Variants in KRT77 observed in about 807,000 individuals in gnomAD.
The protein encoded by KRT77 is keratin, type II cytoskeletal 1b.
Under a neutral mutation model 51.5 loss-of-function variants are expected in KRT77, and 44 were observed. The observed-to-expected ratio is 0.85, with a 90% CI of 0.67 to 1.10. KRT77 has a LOEUF of 1.10. Among genes scored for constraint, KRT77 ranks in the 50% least tolerant of loss-of-function variants. KRT77 has a pLI of 0.00. For synonymous variants in KRT77, 293 were observed against 302.0 expected (o/e 0.97, Z 0.31); for missense variants, 763 against 743.9 (o/e 1.03, Z -0.30).
chr12:52,701,498 A>T (rs1941887035), intron 1 of KRT77, among the ~76,000 whole-genome samples: 1 of 152,158 alleles, frequency 6.6e-6, no homozygotes, highest in Non-Finnish European at 1.5e-5. Flanking sequence ...GCCACAGGTC[A>T]AGCTCTGGCC....
rs776454439 is a variant in KRT77, at chr12:52,703,003, G to A, written c.432C>T (p.Ser144=). ...GGIQEVTINQ[S]LLEPLHLEVD... ...CCTCCAGGTGAAGTGGCTCTAGGAG[G>A]CTCTGGTTAATGGTCACCTCTTGGA... Residue 144 remains serine (S), a synonymous_variant, in exon 1 of 9, where the codon AGC becomes AGT. Coordinates refer to ENST00000341809, the MANE Select transcript of KRT77 (RefSeq NM_175078.3). The A allele has an allele frequency of 3.4e-5, 55 of 1,613,936 alleles. No homozygotes were observed. Among genetic ancestry groups the A allele is most frequent in the Admixed American group, 1.0e-4 (6 of 59,990 alleles).
Position 52,691,099 on chromosome 12 carries a change from T to TGGAGGG in KRT77, c.*60_*65dup. 1 of 1,606,456 alleles carries TGGAGGG rather than the reference T, an allele frequency of 6.2e-7. No homozygotes were observed. Among genetic ancestry groups the TGGAGGG allele is most frequent in the South Asian group, 1.1e-5 (1 of 90,448 alleles). On this transcript the variant is annotated 3_prime_UTR_variant, in exon 9 of 9. Transcript: ENST00000341809. ...GAATGAGAGGGGATCAGGAAGGGCG[T>TGGAGGG]GGAGGGGAGGAGTTTGAGGAGAGGG...
intron 1 of KRT77, chr12:52,698,323 A>G (rs1941831923): frequency 4.1e-6 from 2 of 484,560 alleles, no homozygotes; most frequent in Non-Finnish European, 7.9e-6. Flanking sequence ...AGAAGGATCA[A>G]TTTGGCTTAG....
chr12:52,692,116 G>A, intron 7 of KRT77, 144 bp from the exon 8 acceptor site: 1 of 902,262 alleles, frequency 1.1e-6, no homozygotes, highest in South Asian at 1.5e-5. Flanking sequence ...CAGTGGGGCA[G>A]AGAGAAATTT....
At chr12:52,695,943 G>C (rs867526014) in intron 3 of KRT77, 76 bp from the exon 4 acceptor site, 3 of 907,750 alleles carry the variant, frequency 3.3e-6, no homozygotes, top group Non-Finnish European at 5.6e-6. Flanking sequence ...TGGCTCAGGC[G>C]AGTGGCAGAG....
At chr12:52,692,386 A>G (rs1170048599) in intron 7 of KRT77, 35 bp downstream of exon 7, 1 of 1,609,332 alleles carries the variant, frequency 6.2e-7, no homozygotes, top group Non-Finnish European at 8.5e-7. Context: ...GTGCATCTCA[A>G]GCCTTAGCCC....
At position 52,696,364 on chromosome 12, in the gene KRT77, C is replaced by T. The variant is rs1941794848; in HGVS notation, c.819+6G>A. On this transcript the variant is annotated splice_donor_region_variant and intron_variant, in intron 3 of 8. Coordinates refer to ENST00000341809, the MANE Select transcript of KRT77 (RefSeq NM_175078.3). ...CAGCCACCCTCAGGACTCCCCTTTCCCTCACCTTCTTCAGGACGACAAAGT... is the reference window on the plus strand; with the variant it reads ...CAGCCACCCTCAGGACTCCCCTTTCTCTCACCTTCTTCAGGACGACAAAGT... 6.2e-7 allele frequency: 1 copy of T among 1,614,086 alleles called. No homozygotes were observed. The highest frequency in any genetic ancestry group is 8.5e-7 in the Non-Finnish European group (1 of 1,179,940).
rs1314639767 is a variant in KRT77, at chr12:52,703,389, T to G, written c.46A>C (p.Arg16=). The G allele has an allele frequency of 6.2e-7, 1 of 1,610,610 alleles. No individual in the cohort carries two copies. The highest frequency in any genetic ancestry group is 8.5e-7 in the Non-Finnish European group (1 of 1,177,770). The change falls in exon 1 of 9, where the codon AGG becomes CGG. Residue 16 remains arginine (R), a synonymous_variant. Transcript: ENST00000341809. ...GAAGAGCTGGTACTATAAACCCGCC[T>G]GCTCATTGAACTAAACGCGGACTGA... ...SSQSAFSSMS[R]RVYSTSSSAG... is the part of the protein sequence containing the mutation.
In KRT77 at chr12:52,692,647, C is replaced by T. The variant is rs1418830266; in HGVS notation, c.1207-6G>A. On this transcript the variant is annotated splice_region_variant and splice_polypyrimidine_tract_variant and intron_variant, in intron 6 of 8. Transcript: ENST00000341809. ...AGTGACTGCATCTGTTCAATCTGCT[C>T]CAGAGACAGTTGGAGACCATTTAAT... 1.3e-6 allele frequency: 2 copies of T among 1,567,828 alleles called. No individual in the cohort carries two copies. Among genetic ancestry groups the T allele is most frequent in the Non-Finnish European group, 1.7e-6 (2 of 1,144,262 alleles).
In KRT77 at chr12:52,691,107, A is replaced by C; in HGVS notation, c.*58T>G. The C allele has an allele frequency of 6.2e-7, 1 of 1,609,918 alleles. No homozygotes were observed. The highest frequency in any genetic ancestry group is 8.5e-7 in the Non-Finnish European group (1 of 1,177,190). ...GGGGATCAGGAAGGGCGTGGAGGGG[A>C]GGAGTTTGAGGAGAGGGCGGTGAGG... On this transcript the variant is annotated 3_prime_UTR_variant, in exon 9 of 9. Coordinates refer to ENST00000341809, the MANE Select transcript of KRT77 (RefSeq NM_175078.3).
intron 8 of KRT77, 120 bp from the exon 9 acceptor site, chr12:52,691,559 C>A: frequency 8.6e-7 from 1 of 1,157,768 alleles, no homozygotes; most frequent in Non-Finnish European, 1.2e-6. Context: ...ACTTGCAAAC[C>A]CCATACATTG....
Position 52,697,826 on chromosome 12 carries a change from G to A in KRT77, c.614C>T (p.Ser205Leu), listed in dbSNP as rs1253244746. ...GGGCTCCAGGTTGTTGGTTCCAGTTGAGGTGTTCACCTGCTGCAGCAACTC... is the reference window on the plus strand; with the variant it reads ...GGGCTCCAGGTTGTTGGTTCCAGTTAAGGTGTTCACCTGCTGCAGCAACTC... ...KWELLQQVNTSTGTNNLEPLL... is the reference protein window; with the variant it reads ...KWELLQQVNTLTGTNNLEPLL... Residue 205 changes from serine to leucine, a missense_variant, in exon 2 of 9, where the codon TCA becomes TTA. Physicochemically the swap from Ser to Leu is moderately radical, Grantham distance 145 (BLOSUM62 -2). Coordinates refer to ENST00000341809, the MANE Select transcript of KRT77 (RefSeq NM_175078.3). 5.0e-6 allele frequency: 8 copies of A among 1,614,000 alleles called. No individual in the cohort carries two copies. The highest frequency in any genetic ancestry group is 1.6e-4 in the Middle Eastern group (1 of 6,082).
Position 52,691,253 on chromosome 12 carries a change from C to G in KRT77, c.1649G>C (p.Gly550Ala), listed in dbSNP as rs768558461. The change falls in exon 9 of 9, where the codon GGA (glycine) becomes GCA (alanine). Residue 550 changes from glycine to alanine, a missense_variant. Gly to Ala is a moderately conservative substitution (Grantham distance 60). Coordinates refer to ENST00000341809, the MANE Select transcript of KRT77 (RefSeq NM_175078.3). Reference sequence around the variant, plus strand: ...TCCGCGGCCGCTTCTGCCGCTCCCTCCGTAGCTCCCGCCACCGCCGCCGCA... The same window carrying G: ...TCCGCGGCCGCTTCTGCCGCTCCCTGCGTAGCTCCCGCCACCGCCGCCGCA... ...SGCGGGGGSY[G>A]GSGRSGRGSS... 1.9e-6 allele frequency: 3 copies of G among 1,609,872 alleles called. No individual in the cohort carries two copies. The highest frequency in any genetic ancestry group is 2.2e-5 in the South Asian group (2 of 90,790).
At position 52,694,584 on chromosome 12, in the gene KRT77, G is replaced by T. The variant is rs201855600; in HGVS notation, c.1080+42C>A. On this transcript the variant is annotated intron_variant, in intron 5 of 8. Transcript: ENST00000341809. The stretch of plus-strand genomic sequence containing the variant: ...AATAAGAGAAAGACAATTCTGGGAA[G>T]AATCTGTTTTTCTGGGCACCAGATC... 5 of 1,536,328 alleles carry T rather than the reference G, an allele frequency of 3.3e-6. No homozygotes were observed. In the Admixed American group the frequency reaches 7.3e-5, roughly 23 times the overall value.
At chr12:52,694,856 T>G in intron 4 of KRT77, 66 bp from the exon 5 acceptor site, 1 of 1,408,590 alleles carries the variant, frequency 7.1e-7, no homozygotes, top group Non-Finnish European at 9.5e-7. Flanking sequence ...TTTCCTCTGC[T>G]GCTCCCTCAA....
chr12:52,702,419 ATG>A (rs548989316), intron 1 of KRT77, among the ~76,000 whole-genome samples: 49 of 147,988 alleles, frequency 3.3e-4, no homozygotes, highest in African/African-American at 1.0e-3. Flanking sequence ...GTGTGTGTGC[ATG>A]TGTGTGTGTG....
At chr12:52,697,410 T>C (rs369339640) in intron 2 of KRT77, among the ~76,000 whole-genome samples, 8 of 152,250 alleles carry the variant, frequency 5.3e-5, no homozygotes, top group Non-Finnish European at 1.0e-4. Context: ...AGCTAGTAAG[T>C]GGCAGAGGCC....
At position 52,702,380 on chromosome 12, in the gene KRT77, G is replaced by C. The variant is rs976804412; in HGVS notation, c.543+512C>G. Among the ~76,000 whole-genome samples, 38 of 152,156 alleles carry C rather than the reference G, an allele frequency of 2.5e-4. 1 individual carries two copies. Among genetic ancestry groups the C allele is most frequent in the African/African-American group, 8.4e-4 (35 of 41,536 alleles). On this transcript the variant is annotated intron_variant, in intron 1 of 8. Transcript: ENST00000341809. ...GAGTGGATAGTTGAATGGATTGATG[G>C]ATGAGTGAATGAACAGATGAACACG...
At chr12:52,696,236 G>A (rs1357000833) in intron 3 of KRT77, 134 bp downstream of exon 3, 49 of 765,636 alleles carry the variant, frequency 6.4e-5, no homozygotes, top group Admixed American at 4.2e-4. Flanking sequence ...TAAGGGCCCC[G>A]CATTCAGGCA....
Sources: gnomAD v4.1 joint callset for allele counts (sites outside exome capture counted in the v4.1 genomes callset) on GRCh38, gnomAD v4.1.1 for gene constraint, MANE v1.5 for transcripts, NCBI Gene and HGNC (gene_info 2026-07-23, HGNC 2026-07-21) for gene names.